EHBP1: variants seen among roughly 807,000 people sequenced by gnomAD.
The protein encoded by EHBP1 is EH domain binding protein 1.
EHBP1 carries 55 observed loss-of-function variants against 144.0 expected under a neutral mutation model. The observed-to-expected ratio is 0.38, with a 90% CI of 0.31 to 0.48. EHBP1 has a LOEUF of 0.48. Among genes scored for constraint, EHBP1 ranks in the 20% least tolerant of loss-of-function variants. EHBP1 has a pLI of 0.98. For missense variants in EHBP1, 1,200 were observed against 1,364.2 expected, an observed-to-expected ratio of 0.88 and a Z score of 1.90; for synonymous variants, 469 against 472.7, an observed-to-expected ratio of 0.99 and a Z score of 0.10.
chr2:62,985,691 C>T (rs1015154058), intron 15 of EHBP1, among the ~76,000 whole-genome samples: 2 of 152,210 alleles, frequency 1.3e-5, no homozygotes, highest in Admixed American at 6.5e-5. Flanking sequence ...CCCATTCCTC[C>T]TTTCATGCCT....
At position 62,863,837 on chromosome 2, in the gene EHBP1, G is replaced by GTTTTTTT. The variant is rs1354945636; in HGVS notation, c.758-892_758-891insTTTTTTT. On this transcript the variant is annotated intron_variant, in intron 8 of 22. Coordinates refer to ENST00000431489, the MANE Select transcript of EHBP1 (RefSeq NM_001142616.3). The stretch of plus-strand genomic sequence containing the variant: ...ATTTTTTTAAATTTTATTTTTCTGT[G>GTTTTTTT]TTGTTTTTTTTTTTTTTTTTTTTTT... 5.0e-4 allele frequency among the ~76,000 whole-genome samples: 37 copies of GTTTTTTT among 74,564 alleles called. 7 individuals are homozygous for GTTTTTTT. The highest frequency in any genetic ancestry group is 8.9e-3 in the Middle Eastern group (1 of 112). 48.9% of individuals were successfully genotyped at this position (74,564 alleles called of 152,430 possible). A position where few individuals can be genotyped will look rare whatever the true frequency, so the allele number is the denominator to read the frequency against.
intron 8 of EHBP1, among the ~76,000 whole-genome samples, chr2:62,860,171 A>G (rs2049389243): frequency 6.6e-6 from 1 of 152,150 alleles, no homozygotes; most frequent in African/African-American, 2.4e-5. Context: ...AGGGCTATAT[A>G]TTATGAACAT....
At chr2:63,037,486 G>T in intron 19 of EHBP1, 49 bp from the exon 20 acceptor site, 1 of 1,224,682 alleles carries the variant, frequency 8.2e-7, no homozygotes, top group Non-Finnish European at 1.2e-6. Flanking sequence ...ACTACTATTT[G>T]GCTTGTTTTA....
chr2:62,739,033 T>G (rs2038427185), intron 2 of EHBP1, among the ~76,000 whole-genome samples: 1 of 152,184 alleles, frequency 6.6e-6, no homozygotes, highest in South Asian at 2.1e-4. Context: ...TTGCTAATGT[T>G]TTTGGAGAAG....
At chr2:62,725,667 G>A (rs1014081923) in intron 2 of EHBP1, among the ~76,000 whole-genome samples, 4 of 152,224 alleles carry the variant, frequency 2.6e-5, no homozygotes, top group African/African-American at 9.6e-5. Context: ...TTGAAATATG[G>A]TTGGTGGAGG....
At chr2:62,993,782 A>T in intron 17 of EHBP1, 89 bp from the exon 18 acceptor site, 5 of 1,027,084 alleles carry the variant, frequency 4.9e-6, no homozygotes, top group Non-Finnish European at 6.8e-6. Flanking sequence ...GTATATATGT[A>T]TATAATCTGG....
intron 7 of EHBP1, among the ~76,000 whole-genome samples, chr2:62,848,255 G>C (rs1272925085): frequency 6.6e-6 from 1 of 151,054 alleles, no homozygotes; most frequent in Non-Finnish European, 1.5e-5. Flanking sequence ...ATTTTTTTTT[G>C]TATTTTTATT....
At chr2:62,960,468 T>C (rs2057945900) in intron 14 of EHBP1, among the ~76,000 whole-genome samples, 1 of 152,226 alleles carries the variant, frequency 6.6e-6, no homozygotes, top group Non-Finnish European at 1.5e-5. Context: ...TTCTCTTTCC[T>C]ATATCTTTTG....
rs763293601 is a variant in EHBP1, at chr2:62,955,571, G to A, written c.2371G>A (p.Glu791Lys). ...TAAGGAAAGAGCAAGAGTTCTGCTT[G>A]AGCAAGCAAGAAGAGATGCAGCCTT... The part of the protein sequence containing the change: ...ELKERARVLL[E>K]QARRDAALKA... Residue 791 changes from glutamate (E) to lysine (K), a missense_variant, in exon 14 of 23, where the codon GAG becomes AAG. By Grantham distance (56) the Glu-to-Lys change is moderately conservative. Around this residue, in one of 6 missense-constraint regions of EHBP1, gnomAD observed 543 missense variants for 513.1 expected, o/e 1.06. Transcript: ENST00000431489. The A allele has an allele frequency of 3.7e-6, 6 of 1,612,846 alleles. No homozygotes were observed. In the African/African-American group the frequency reaches 5.3e-5, roughly 14 times the overall value.
intron 10 of EHBP1, among the ~76,000 whole-genome samples, chr2:62,927,753 T>C (rs377362842): frequency 2.2e-4 from 33 of 152,316 alleles, no homozygotes; most frequent in African/African-American, 7.9e-4. Context: ...CAACACAGTA[T>C]GTGAACTAGA....
intron 19 of EHBP1, among the ~76,000 whole-genome samples, chr2:63,006,322 A>T (rs1463910906): frequency 6.6e-6 from 1 of 152,034 alleles, no homozygotes; most frequent in African/African-American, 2.4e-5. Context: ...AAAGGAATAA[A>T]TTAAACAAAA....
At chr2:62,845,454 CA>C (rs2048223224) in intron 7 of EHBP1, among the ~76,000 whole-genome samples, 1 of 152,104 alleles carries the variant, frequency 6.6e-6, no homozygotes, top group Non-Finnish European at 1.5e-5. Context: ...ATACCAATTA[CA>C]TATTAAGGAG....
chr2:62,753,723 C>T lies in EHBP1; in HGVS notation c.162+6271C>T, dbSNP rs957496971. 7.2e-5 allele frequency among the ~76,000 whole-genome samples: 11 copies of T among 152,200 alleles called. No homozygotes were observed. In the South Asian group the frequency reaches 2.3e-3, roughly 32 times the overall value. On this transcript the variant is annotated intron_variant, in intron 3 of 22. Coordinates refer to ENST00000431489, the MANE Select transcript of EHBP1 (RefSeq NM_001142616.3). ...TTTTTGTTCTTTTTTCTCTAAACTT[C>T]TCACTTCATTTCATTCAATTGACCT...
At chr2:62,681,053 C>A (rs1255386769) in intron 1 of EHBP1, among the ~76,000 whole-genome samples, 1 of 151,808 alleles carries the variant, frequency 6.6e-6, no homozygotes, top group African/African-American at 2.4e-5. Flanking sequence ...TGGCTCATGC[C>A]TGTAATCCCT....
chr2:62,771,370 A>G lies in EHBP1; in HGVS notation c.290A>G (p.Glu97Gly). The change falls in exon 5 of 23, where the codon GAG becomes GGG. Residue 97 changes from glutamate (E) to glycine (G), a missense_variant. By Grantham distance (98) the Glu-to-Gly change is moderately conservative (BLOSUM62 -2). Around this residue, in one of 6 missense-constraint regions of EHBP1, gnomAD observed 137 missense variants for 190.1 expected, o/e 0.72. Transcript: ENST00000431489. ...DPHAEEFEDK[E>G]WTFVIENESP... ...CATGCGGAAGAATTTGAAGACAAAG[A>G]GTGGACATTTGTCATAGAAAATGTA... is the stretch of plus-strand genomic sequence containing the variant. The G allele has an allele frequency of 1.9e-6, 3 of 1,594,126 alleles. No individual in the cohort carries two copies. Among genetic ancestry groups the G allele is most frequent in the Non-Finnish European group, 1.7e-6 (2 of 1,170,132 alleles).
At position 62,889,250 on chromosome 2, in the gene EHBP1, T is replaced by TG. The variant is rs200019650; in HGVS notation, c.1185+14718_1185+14719insG. ...TGTTTGGTGTTTTTGTGTGTGTGTG[T>TG]TTTTTTTTTGTAAATTTGTTTAAAT... On this transcript the variant is annotated intron_variant, in intron 10 of 22. Coordinates refer to ENST00000431489, the MANE Select transcript of EHBP1 (RefSeq NM_001142616.3). Among the ~76,000 whole-genome samples, 706 of 144,256 alleles carry TG rather than the reference T, an allele frequency of 4.9e-3. 6 individuals are homozygous for TG. Among genetic ancestry groups the TG allele is most frequent in the African/African-American group, 0.016 (616 of 39,442 alleles). 94.6% of individuals were successfully genotyped at this position (144,256 alleles called of 152,430 possible). A position where few individuals can be genotyped will look rare whatever the true frequency, so the allele number is the denominator to read the frequency against.
At chr2:62,996,495 GA>G in intron 18 of EHBP1, 147 bp from the exon 19 acceptor site, 1 of 879,672 alleles carries the variant, frequency 1.1e-6, no homozygotes, top group South Asian at 1.8e-5. Context: ...AAAATTTTTT[GA>G]ATCACAGAGA....
At chr2:62,984,692 C>G (rs944514397) in intron 15 of EHBP1, among the ~76,000 whole-genome samples, 3 of 152,054 alleles carry the variant, frequency 2.0e-5, no homozygotes, top group African/African-American at 7.2e-5. Flanking sequence ...AAGTAGAAAC[C>G]CATTCTTAAG....
At chr2:62,998,856 G>C (rs927326961) in intron 19 of EHBP1, among the ~76,000 whole-genome samples, 16 of 152,120 alleles carry the variant, frequency 1.1e-4, no homozygotes, top group Admixed American at 2.0e-4. Flanking sequence ...TAAGCTCCAA[G>C]AATCATCCTA....
Sources: allele counts gnomAD v4.1 joint callset (sites outside exome capture counted in the v4.1 genomes callset), GRCh38; gene constraint gnomAD v4.1.1; regional missense constraint gnomAD v4.1.1; transcripts MANE v1.5; gene names NCBI Gene and HGNC (gene_info 2026-07-23, HGNC 2026-07-21).